Variants in PTER observed in about 807,000 individuals in gnomAD.
The protein encoded by PTER is phosphotriesterase related, also known as N-acetyltaurine hydrolase.
In PTER, 38 loss-of-function variants were observed where a neutral mutation model predicts 29.6. That is an observed-to-expected ratio of 1.28 (90% CI 0.99 to 1.68). PTER has a LOEUF of 1.68. Among genes scored for constraint, PTER ranks in the 40% most tolerant of loss-of-function variants. The pLI is 0.00. For missense variants in PTER, 482 were observed against 427.8 expected (o/e 1.13, Z -1.12); for synonymous variants, 172 against 154.5 (o/e 1.11, Z -0.84).
At chr10:16,454,687 G>GAT (rs1389109483) in intron 1 of PTER, among the ~76,000 whole-genome samples, 2 of 86,892 alleles carry the variant, frequency 2.3e-5, no homozygotes, top group Non-Finnish European at 4.1e-5. Flanking sequence ...GCAATGTCAA[G>GAT]ACATATAATA....
At chr10:16,471,078 G>A (rs1259145371) in intron 1 of PTER, among the ~76,000 whole-genome samples, 1 of 152,142 alleles carries the variant, frequency 6.6e-6, no homozygotes. Flanking sequence ...TGGGCTTCAA[G>A]ACTTCCACCA....
intron 1 of PTER, among the ~76,000 whole-genome samples, chr10:16,459,141 T>C (rs540570266): frequency 6.6e-6 from 1 of 152,320 alleles, no homozygotes; most frequent in African/African-American, 2.4e-5. Context: ...AAAATTTGCA[T>C]TCTACAACAC....
downstream of PTER, chr10:16,514,452 G>A: frequency 6.9e-6 from 9 of 1,307,642 alleles, 1 homozygote; most frequent in Non-Finnish European, 9.7e-6. Flanking sequence ...GCATCCCCTG[G>A]GATCCTTGAT....
In PTER at chr10:16,477,304, A is replaced by C. The variant is rs202128892; in HGVS notation, c.-48-7033A>C. ...GATAGATAGATAGATAGATAGATGG[A>C]TGTCTGTCTGTCTGCACATGCATGT... is the stretch of plus-strand genomic sequence containing the variant. On this transcript the variant is annotated intron_variant, in intron 1 of 4. Coordinates refer to ENST00000535784, the MANE Select transcript of PTER (RefSeq NM_001261836.2). 5.5e-3 allele frequency among the ~76,000 whole-genome samples: 837 copies of C among 151,570 alleles called. 7 individuals carry two copies. Among genetic ancestry groups the C allele is most frequent in the African/African-American group, 0.017 (701 of 41,144 alleles).
intron 3 of PTER, among the ~76,000 whole-genome samples, chr10:16,488,249 CT>C: frequency 6.6e-6 from 1 of 152,152 alleles, no homozygotes; most frequent in Non-Finnish European, 1.5e-5. Flanking sequence ...GAAAACTAGA[CT>C]CTTTGGACCC....
chr10:16,497,115 A>G (rs933676854), intron 3 of PTER, among the ~76,000 whole-genome samples: 1 of 151,980 alleles, frequency 6.6e-6, no homozygotes, highest in African/African-American at 2.4e-5. Context: ...TTGTATTTTT[A>G]GTAGAGACGA....
intron 3 of PTER, among the ~76,000 whole-genome samples, chr10:16,488,245 T>C (rs146136820): frequency 2.1e-4 from 32 of 152,316 alleles, no homozygotes; most frequent in African/African-American, 7.7e-4. Flanking sequence ...CTGTGAAAAC[T>C]AGACTCTTTG....
intron 1 of PTER, among the ~76,000 whole-genome samples, chr10:16,448,201 T>TA (rs937152076): frequency 6.6e-6 from 1 of 152,158 alleles, no homozygotes; most frequent in African/African-American, 2.4e-5. Context: ...GTGATTCCCC[T>TA]ATGGGAGCCT....
intron 1 of PTER, among the ~76,000 whole-genome samples, chr10:16,459,134 A>T (rs1249264535): frequency 6.6e-6 from 1 of 152,160 alleles, no homozygotes. Flanking sequence ...TTCTTCAAAA[A>T]TTTGCATTCT....
At chr10:16,501,201 G>T (rs1836325026) in intron 3 of PTER, among the ~76,000 whole-genome samples, 2 of 152,022 alleles carry the variant, frequency 1.3e-5, no homozygotes, top group Non-Finnish European at 1.5e-5. Flanking sequence ...AAAGTGCTGG[G>T]ATTACAGGTG....
intron 3 of PTER, among the ~76,000 whole-genome samples, chr10:16,490,699 C>T (rs983913703): frequency 1.3e-5 from 2 of 150,162 alleles, no homozygotes; most frequent in Non-Finnish European, 2.9e-5. Context: ...CTGTGAACAT[C>T]TAGTCTGCCA....
Position 16,484,626 on chromosome 10 carries a change from A to G in PTER, c.242A>G (p.Lys81Arg). 6.2e-7 allele frequency: 1 copy of G among 1,614,196 alleles called. No individual in the cohort carries two copies. Among genetic ancestry groups the G allele is most frequent in the Non-Finnish European group, 8.5e-7 (1 of 1,180,010 alleles). ...TTAAATCAGGAGACAGAAGCCATAA[A>G]GGAAGAACTGTTGTATTTTAAAGCT... Reference protein sequence around the residue: ...LQLNQETEAIKEELLYFKANG... With the variant: ...LQLNQETEAIREELLYFKANG... The change falls in exon 2 of 5, where the codon AAG becomes AGG. Residue 81 changes from lysine to arginine, a missense_variant. Coordinates refer to ENST00000535784, the MANE Select transcript of PTER (RefSeq NM_001261836.2).
chr10:16,503,955 G>T (rs189629840), intron 3 of PTER, among the ~76,000 whole-genome samples: 1 of 152,160 alleles, frequency 6.6e-6, no homozygotes, highest in Non-Finnish European at 1.5e-5. Context: ...GCCAATTTCC[G>T]ATCCGAAACG....
At chr10:16,450,887 A>G (rs1167597418) in intron 1 of PTER, among the ~76,000 whole-genome samples, 1 of 152,184 alleles carries the variant, frequency 6.6e-6, no homozygotes, top group South Asian at 2.1e-4. Flanking sequence ...AGGAGTATCA[A>G]ATGCATCTAT....
intron 1 of PTER, among the ~76,000 whole-genome samples, chr10:16,477,486 C>T (rs1835322602): frequency 6.6e-6 from 1 of 152,112 alleles, no homozygotes; most frequent in African/African-American, 2.4e-5. Flanking sequence ...CTAAAATATA[C>T]ATTTAAAAAT....
intron 1 of PTER, among the ~76,000 whole-genome samples, chr10:16,475,351 A>C (rs1032469304): frequency 1.3e-5 from 2 of 152,114 alleles, no homozygotes; most frequent in African/African-American, 4.8e-5. Context: ...CTTATCTGCT[A>C]CCTTCACAGG....
intron 1 of PTER, among the ~76,000 whole-genome samples, chr10:16,468,022 A>G (rs1309528312): frequency 2.0e-5 from 3 of 152,080 alleles, no homozygotes; most frequent in Admixed American, 6.6e-5. Context: ...AGAATTATCT[A>G]TTGTCAGAAA....
chr10:16,505,188 T>G, intron 4 of PTER, 28 bp downstream of exon 4: 7 of 1,610,786 alleles, frequency 4.3e-6, no homozygotes, highest in Non-Finnish European at 5.9e-6. Context: ...TCTCATAGCA[T>G]TCCCTTTCCC....
intron 3 of PTER, among the ~76,000 whole-genome samples, chr10:16,502,367 A>AAAAACACAT: frequency 6.6e-6 from 1 of 152,316 alleles, no homozygotes; most frequent in South Asian, 2.1e-4. Flanking sequence ...TTTTCTATAG[A>AAAAACACAT]AAAACACATA....
Sources: gnomAD v4.1 joint callset for allele counts (sites outside exome capture counted in the v4.1 genomes callset) on GRCh38, gnomAD v4.1.1 for gene constraint, MANE v1.5 for transcripts, NCBI Gene and HGNC (gene_info 2026-07-23, HGNC 2026-07-21) for gene names.